The following NOBOX variants were observed in gnomAD, a reference collection of about 807,000 sequenced individuals.
NOBOX encodes the protein NOBOX oogenesis homeobox, also known as homeobox protein NOBOX.
A neutral mutation model predicts 60.2 loss-of-function variants in NOBOX; 46 were observed. The ratio of observed to expected loss-of-function variants is 0.76; its 90% CI spans 0.60 to 0.98. The LOEUF (loss-of-function observed/expected upper bound fraction) is 0.98. Among genes scored for constraint, NOBOX ranks in the 50% least tolerant of loss-of-function variants. The pLI, the probability that NOBOX is intolerant of heterozygous loss-of-function variation, is 0.00. For synonymous variants in NOBOX, 360 were observed against 346.3 expected (o/e 1.04, Z -0.44); for missense variants, 880 against 865.5 (o/e 1.02, Z -0.21).
At chr7:144,405,212 T>C (rs1275269079) in intron 1 of NOBOX, among the ~76,000 whole-genome samples, 1 of 152,226 alleles carries the variant, frequency 6.6e-6, no homozygotes, top group Non-Finnish European at 1.5e-5. Flanking sequence ...TTCTGTTTTA[T>C]GAGGCGTTCA....
At chr7:144,397,151 A>T (rs530319568), downstream of NOBOX, 2 of 1,168,472 alleles carry the variant, frequency 1.7e-6, no homozygotes, top group African/African-American at 3.1e-5. Context: ...CAGAGTCCAC[A>T]CTCTTTCCCA....
intron 4 of NOBOX, 85 bp downstream of exon 2, chr7:144,400,961 C>G: frequency 8.5e-7 from 1 of 1,176,884 alleles, no homozygotes; most frequent in Non-Finnish European, 1.1e-6. Context: ...TCCCTCAGGT[C>G]TCCTGGGGGT....
In NOBOX at chr7:144,398,445, G is replaced by A. The variant is rs2053909540; in HGVS notation, c.1611C>T (p.Tyr537=). 7.2e-6 allele frequency: 11 copies of A among 1,537,298 alleles called. No individual in the cohort carries two copies. The highest frequency in any genetic ancestry group is 2.4e-5 in the East Asian group (1 of 40,910). ...GCATGGAGAAGGGGAAAGTGGGGAG[G>A]TAGGGCAACTTGGGCTGAGGGGACT... The change falls in exon 9 of 10, where the codon TAC becomes TAT. Residue 537 remains tyrosine (Y), a synonymous_variant. Transcript: ENST00000467773.
At chr7:144,399,595 C>T (rs917910297) in intron 6 of NOBOX, 113 bp from the exon 5 acceptor site, 25 of 1,148,472 alleles carry the variant, frequency 2.2e-5, no homozygotes, top group Non-Finnish European at 2.9e-5. Context: ...AGGGCATTGG[C>T]AACTTCCCGA....
rs1443108682 is a variant in NOBOX at position 144,399,397 on chromosome 7, C to T, written c.1240G>A (p.Glu414Lys). Residue 414 changes from glutamate (E) to lysine (K), a missense_variant and splice_region_variant, in exon 7 of 10, where the codon GAG becomes AAG. Transcript: ENST00000467773. ...CCCAGCTCTGAAGGTGGGAACTCAC[C>T]TGGAAAGGTATCCAGAGGGGACTCC... 1 of 1,575,324 alleles carries T rather than the reference C, an allele frequency of 6.3e-7. No individual in the cohort carries two copies. Among genetic ancestry groups the T allele is most frequent in the Non-Finnish European group, 8.6e-7 (1 of 1,158,944 alleles).
intron 1 of NOBOX, among the ~76,000 whole-genome samples, chr7:144,409,346 G>A (rs920176870): frequency 2.0e-5 from 3 of 152,124 alleles, no homozygotes; most frequent in African/African-American, 7.2e-5. Context: ...AGAAAAAAGG[G>A]TAAATACCGA....
At chr7:144,403,418 C>A (rs1033521416) in intron 2 of NOBOX, among the ~76,000 whole-genome samples, 1 of 152,000 alleles carries the variant, frequency 6.6e-6, no homozygotes, top group Non-Finnish European at 1.5e-5. Context: ...CTCTCCCCTG[C>A]GCGCTGGGAG....
At chr7:144,399,371 C>T (rs898048320) in intron 7 of NOBOX, 26 bp downstream of exon 5, 1 of 1,499,602 alleles carries the variant, frequency 6.7e-7, no homozygotes. Flanking sequence ...TGCCATTTTC[C>T]CCCAGCTCTG....
chr7:144,408,261 A>C (rs2053999092), intron 1 of NOBOX, among the ~76,000 whole-genome samples: 1 of 150,228 alleles, frequency 6.7e-6, no homozygotes. Flanking sequence ...TTTCCTGGCA[A>C]AGTCTTACTC....
intron 5 of NOBOX, 107 bp from the exon 4 acceptor site, chr7:144,399,970 C>T (rs1475106247): frequency 4.7e-5 from 60 of 1,268,642 alleles, no homozygotes; most frequent in Admixed American, 4.1e-4. Flanking sequence ...GTCACTCCAG[C>T]ACTCTGCTTC....
intron 2 of NOBOX, 88 bp from the exon 1 acceptor site, chr7:144,403,781 A>ACGGGC (rs375024030): frequency 6.2e-5 from 31 of 496,380 alleles, no homozygotes; most frequent in South Asian, 1.7e-4. Context: ...TGCAGCCCGC[A>ACGGGC]CGGGCCGGGC....
At chr7:144,397,639 C>T (rs1260120421) in intron 9 of NOBOX, 98 bp from the exon 8 acceptor site, 2 of 1,070,588 alleles carry the variant, frequency 1.9e-6, no homozygotes, top group Non-Finnish European at 2.6e-6. Context: ...CCCCAACACA[C>T]ATAGACGCAG....
chr7:144,398,341 C>T lies in NOBOX; in HGVS notation c.1715G>A (p.Gly572Asp), dbSNP rs1021125205. 6.5e-7 allele frequency: 1 copy of T among 1,537,134 alleles called. No individual in the cohort carries two copies. Among genetic ancestry groups the T allele is most frequent in the Non-Finnish European group, 8.7e-7 (1 of 1,146,920 alleles). Residue 572 changes from glycine to aspartate, a missense_variant, in exon 9 of 10, where the codon GGC (glycine) becomes GAC (aspartate). Gly to Asp is a moderately conservative substitution (Grantham distance 94). Transcript: ENST00000467773. ...TCCTGAGGAGGCACCTGGGCAATAG[C>T]CCTGCGATGTGCCCCCGCTGGGGCC...
At chr7:144,400,834 G>C (rs111276910) in intron 4 of NOBOX, among the ~76,000 whole-genome samples, 36 of 152,280 alleles carry the variant, frequency 2.4e-4, no homozygotes, top group African/African-American at 6.0e-4. Context: ...CACTGTGCCT[G>C]GCTCCAGCCT....
intron 2 of NOBOX, among the ~76,000 whole-genome samples, chr7:144,404,157 T>G (rs1242277644): frequency 6.6e-6 from 1 of 152,158 alleles, no homozygotes; most frequent in Admixed American, 6.5e-5. Context: ...CTAGAGCCAC[T>G]CCTCAAAGGG....
chr7:144,397,157 T>TCCCAAACC (rs907042627), downstream of NOBOX: 3 of 1,261,678 alleles, frequency 2.4e-6, no homozygotes, highest in Admixed American at 7.9e-5. Context: ...CCACACTCTT[T>TCCCAAACC]CCCAAACCCC....
chr7:144,409,040 T>C (rs1316799343), intron 1 of NOBOX, among the ~76,000 whole-genome samples: 2 of 152,214 alleles, frequency 1.3e-5, no homozygotes, highest in African/African-American at 4.8e-5. Context: ...AATCCCTGTA[T>C]TATTTCTTAC....
At chr7:144,399,260 C>G in intron 7 of NOBOX, 82 bp from the exon 6 acceptor site, 1 of 932,212 alleles carries the variant, frequency 1.1e-6, no homozygotes, top group East Asian at 2.6e-5. Flanking sequence ...AGACACAAGC[C>G]ATGCCCAGGT....
Position 144,404,675 on chromosome 7 carries a change from G to A in NOBOX, c.91C>T (p.Pro31Ser), listed in dbSNP as rs757697634. 1 of 1,613,574 alleles carries A rather than the reference G, an allele frequency of 6.2e-7. No individual in the cohort carries two copies. Among genetic ancestry groups the A allele is most frequent in the East Asian group, 2.2e-5 (1 of 44,882 alleles). Residue 31 changes from proline to serine, a missense_variant, in exon 2 of 10, where the codon CCC becomes TCC. By Grantham distance (74) the Pro-to-Ser change is moderately conservative. Transcript: ENST00000467773. Reference sequence around the variant, plus strand: ...ACAGGAAATTCAGGTACAGCCAGGGGCGGCCCTGCCAGGGACGGTGTGGTT... The same window carrying A: ...ACAGGAAATTCAGGTACAGCCAGGGACGGCCCTGCCAGGGACGGTGTGGTT...
Sources: allele counts gnomAD v4.1 joint callset (sites outside exome capture counted in the v4.1 genomes callset), GRCh38; gene constraint gnomAD v4.1.1; transcripts MANE v1.5; gene names NCBI Gene and HGNC (gene_info 2026-07-23, HGNC 2026-07-21).